Variants in PTPRG observed in about 807,000 individuals in gnomAD.
The protein encoded by PTPRG is receptor-type tyrosine-protein phosphatase gamma.
PTPRG carries 102 observed loss-of-function variants against 165.3 expected under a neutral mutation model. The observed-to-expected ratio is 0.62, with a 90% CI of 0.53 to 0.73. The LOEUF (loss-of-function observed/expected upper bound fraction) is 0.73. Among genes scored for constraint, PTPRG ranks in the 30% least tolerant of loss-of-function variants. The pLI is 0.00. For missense variants in PTPRG, 1,866 were observed against 1,861.4 expected, an observed-to-expected ratio of 1.00 and a Z score of -0.05; for synonymous variants, 675 against 669.5, an observed-to-expected ratio of 1.01 and a Z score of -0.13.
chr3:62,067,433 T>C (rs1701054236), intron 4 of PTPRG, among the ~76,000 whole-genome samples: 1 of 152,062 alleles, frequency 6.6e-6, no homozygotes, highest in Admixed American at 6.5e-5. Context: ...GGAAGACAAT[T>C]TTTCCACGGA....
At chr3:61,927,140 T>A (rs1221481638) in intron 2 of PTPRG, among the ~76,000 whole-genome samples, 1 of 152,232 alleles carries the variant, frequency 6.6e-6, no homozygotes, top group African/African-American at 2.4e-5. Context: ...CTTCTATTTT[T>A]GTTCTGTTCA....
At chr3:61,601,126 C>T (rs1158137361) in intron 1 of PTPRG, among the ~76,000 whole-genome samples, 6 of 152,122 alleles carry the variant, frequency 3.9e-5, no homozygotes, top group Non-Finnish European at 8.8e-5. Flanking sequence ...CGTGATGGCA[C>T]ACGCCTGTAG....
intron 1 of PTPRG, among the ~76,000 whole-genome samples, chr3:61,571,182 C>A (rs185734230): frequency 1.3e-5 from 2 of 152,286 alleles, no homozygotes; most frequent in Non-Finnish European, 2.9e-5. Context: ...GAAGTATGAA[C>A]CATGATTATT....
chr3:62,172,628 C>G (rs1267211290), intron 8 of PTPRG, among the ~76,000 whole-genome samples: 3 of 152,138 alleles, frequency 2.0e-5, no homozygotes, highest in Non-Finnish European at 4.4e-5. Flanking sequence ...AAGATGCTGA[C>G]ACATCATCAA....
At chr3:61,570,066 G>A (rs1382830325) in intron 1 of PTPRG, among the ~76,000 whole-genome samples, 2 of 152,162 alleles carry the variant, frequency 1.3e-5, no homozygotes, top group Non-Finnish European at 2.9e-5. Context: ...AGGGAAATAG[G>A]TTACTCATTA....
chr3:61,819,774 G>T (rs1274667065), intron 2 of PTPRG, among the ~76,000 whole-genome samples: 1 of 152,090 alleles, frequency 6.6e-6, no homozygotes, highest in African/African-American at 2.4e-5. Flanking sequence ...AATGTTTTTA[G>T]CACAAAAAGG....
intron 1 of PTPRG, among the ~76,000 whole-genome samples, chr3:61,565,155 G>C (rs1276756608): frequency 6.6e-6 from 1 of 152,178 alleles, no homozygotes; most frequent in East Asian, 1.9e-4. Context: ...AGTTTGGGCA[G>C]GGTTTTGGAA....
chr3:62,216,063 T>C (rs1041099414), intron 12 of PTPRG, among the ~76,000 whole-genome samples: 2 of 151,918 alleles, frequency 1.3e-5, no homozygotes, highest in African/African-American at 2.4e-5. Flanking sequence ...ACTAAAAATA[T>C]GAAAATTGGC....
chr3:61,694,477 A>G (rs932694272), intron 1 of PTPRG, among the ~76,000 whole-genome samples: 1 of 152,216 alleles, frequency 6.6e-6, no homozygotes. Flanking sequence ...CAGTACGAAC[A>G]TGCATCTGGT....
chr3:62,203,617 A>G lies in PTPRG; in HGVS notation c.1822A>G (p.Lys608Glu), dbSNP rs1405579139. ...AGAGAAGGACTCCGAAAAGAAGGAGAAGAGTGGGGTGACCCACGCTGCCGA... is the reference window on the plus strand; with the variant it reads ...AGAGAAGGACTCCGAAAAGAAGGAGGAGAGTGGGGTGACCCACGCTGCCGA... ...DGEKDSEKKE[K>E]SGVTHAAEER... Residue 608 changes from lysine (K) to glutamate (E), a missense_variant, in exon 12 of 30, where the codon AAG becomes GAG. Lys to Glu is a moderately conservative substitution (Grantham distance 56, BLOSUM62 1). Around this residue, in one of 3 missense-constraint regions of PTPRG, gnomAD observed 1,452 missense variants for 1,463.0 expected, o/e 0.99. Transcript: ENST00000474889. The surrounding 1 kb of genome is among the most constrained non-coding windows in gnomAD (Gnocchi z 6.4). 11 of 1,554,028 alleles carry G rather than the reference A, an allele frequency of 7.1e-6. No homozygotes were observed. In the Middle Eastern group the frequency reaches 5.0e-4, roughly 71 times the overall value.
Position 61,621,077 on chromosome 3 carries a change from G to GTA in PTPRG, c.85+58709_85+58710dup, listed in dbSNP as rs763944732. Among the ~76,000 whole-genome samples the GTA allele has an allele frequency of 9.4e-4, 136 of 145,006 alleles. 1 individual carries two copies. The highest frequency in any genetic ancestry group is 3.0e-3 in the East Asian group (14 of 4,720). ...TGTGTGTGTGTGTGTGTGTGTGTGTGTATATTTATTTATCTGTTATGTTCT... is the reference window on the plus strand; with the variant it reads ...TGTGTGTGTGTGTGTGTGTGTGTGTGTATATATTTATTTATCTGTTATGTTCT... On this transcript the variant is annotated intron_variant, in intron 1 of 29. Coordinates refer to ENST00000474889, the MANE Select transcript of PTPRG (RefSeq NM_002841.4).
At chr3:61,639,832 A>G (rs1028101960) in intron 1 of PTPRG, among the ~76,000 whole-genome samples, 1 of 143,514 alleles carries the variant, frequency 7.0e-6, no homozygotes, top group African/African-American at 2.6e-5. Context: ...CTAGTTATAC[A>G]GTCATATCAG....
chr3:61,890,692 G>A (rs987263378), intron 2 of PTPRG, among the ~76,000 whole-genome samples: 13 of 151,986 alleles, frequency 8.6e-5, no homozygotes, highest in African/African-American at 3.1e-4. Context: ...TGTAAAAATT[G>A]ACTTTTAAAA....
At chr3:62,092,130 A>G (rs1254652533) in intron 5 of PTPRG, among the ~76,000 whole-genome samples, 3 of 118,600 alleles carry the variant, frequency 2.5e-5, no homozygotes, top group Non-Finnish European at 5.3e-5. Flanking sequence ...ACACACACAC[A>G]ATCTGTAAAC....
intron 2 of PTPRG, among the ~76,000 whole-genome samples, chr3:61,986,459 G>T (rs1288789653): frequency 6.6e-6 from 1 of 152,130 alleles, no homozygotes; most frequent in Non-Finnish European, 1.5e-5. Flanking sequence ...TTAGCCAGGG[G>T]TTTCAGATGT....
intron 26 of PTPRG, among the ~76,000 whole-genome samples, chr3:62,280,519 AC>A (rs1287901459): frequency 6.6e-6 from 1 of 152,030 alleles, no homozygotes; most frequent in Non-Finnish European, 1.5e-5. Flanking sequence ...AAGTCAAGAT[AC>A]CCCACACCCA....
chr3:61,601,574 A>G (rs10433637), intron 1 of PTPRG, among the ~76,000 whole-genome samples: 13,421 of 152,324 alleles, frequency 0.088, 699 homozygotes, highest in East Asian at 0.22. Flanking sequence ...TCAAAGGATC[A>G]GTGAGTCTCT....
intron 1 of PTPRG, among the ~76,000 whole-genome samples, chr3:61,668,374 A>AC (rs1361035775): frequency 6.6e-6 from 1 of 152,106 alleles, no homozygotes; most frequent in African/African-American, 2.4e-5. Context: ...GAGTGTGTGA[A>AC]CTCTCTATAG....
At chr3:61,744,990 A>G (rs2033140515) in intron 1 of PTPRG, among the ~76,000 whole-genome samples, 1 of 147,692 alleles carries the variant, frequency 6.8e-6, no homozygotes, top group African/African-American at 2.5e-5. Context: ...TACCATCACT[A>G]CCCTCTAGAA....
Sources: allele counts gnomAD v4.1 joint callset (sites outside exome capture counted in the v4.1 genomes callset), GRCh38; gene constraint gnomAD v4.1.1; regional missense constraint gnomAD v4.1.1; non-coding constraint Gnocchi (gnomAD v3.1); transcripts MANE v1.5; gene names NCBI Gene and HGNC (gene_info 2026-07-23, HGNC 2026-07-21).